Variants in TMBIM4 observed in about 807,000 individuals in gnomAD.
TMBIM4 encodes the protein transmembrane BAX inhibitor motif containing 4.
Under a neutral mutation model 27.7 loss-of-function variants are expected in TMBIM4, and 28 were observed. That is an observed-to-expected ratio of 1.01 (90% CI 0.75 to 1.38). The LOEUF (loss-of-function observed/expected upper bound fraction) is 1.38, where lower values mean the gene tolerates loss of function less well. TMBIM4 is among the 40% of genes most tolerant of loss of function. TMBIM4 has a pLI of 0.00. For missense variants in TMBIM4, 265 were observed against 277.5 expected (o/e 0.95, Z 0.32); for synonymous variants, 115 against 113.1 (o/e 1.02, Z -0.11).
intron 1 of TMBIM4, among the ~76,000 whole-genome samples, chr12:66,158,207 C>CA (rs1245638683): frequency 8.5e-6 from 1 of 118,106 alleles, no homozygotes; most frequent in African/African-American, 3.5e-5. Context: ...GCCTGGGCGA[C>CA]AGAGTGAGAC....
chr12:66,137,880 A>T lies in TMBIM4; in HGVS notation c.*80T>A. ...TATTACTTAATGAAACAGTTTCTAT[A>T]TACTGCTTCCAATTACTTTAATCCT... is the stretch of plus-strand genomic sequence containing the variant. On this transcript the variant is annotated 3_prime_UTR_variant, in exon 7 of 7. Coordinates refer to ENST00000358230, the MANE Select transcript of TMBIM4 (RefSeq NM_016056.4). 8.8e-7 allele frequency: 1 copy of T among 1,140,070 alleles called. No homozygotes were observed. The allele number at this position is 1,140,070 out of a possible 1,614,324, so 70.6% of individuals were successfully genotyped here.
Position 66,153,958 on chromosome 12 carries a change from T to G in TMBIM4, c.98-510A>C, listed in dbSNP as rs143016096. On this transcript the variant is annotated intron_variant, in intron 1 of 6. Coordinates refer to ENST00000358230, the MANE Select transcript of TMBIM4 (RefSeq NM_016056.4). ...TCACTCATCTATTATTATTTCTCAT[T>G]TATAGTACCCCTGCCTCTAGTTTCT... Among the ~76,000 whole-genome samples, 858 of 152,288 alleles carry G rather than the reference T, an allele frequency of 5.6e-3. 11 individuals are homozygous for G. Among genetic ancestry groups the G allele is most frequent in the African/African-American group, 0.02 (841 of 41,580 alleles).
Position 66,156,821 on chromosome 12 carries a change from A to G in TMBIM4, c.98-3373T>C, listed in dbSNP as rs539149836. Among the ~76,000 whole-genome samples, 99 of 152,166 alleles carry G rather than the reference A, an allele frequency of 6.5e-4. 1 individual carries two copies. The highest frequency in any genetic ancestry group is 1.0e-3 in the Non-Finnish European group (70 of 68,014). ...TTGGAATGCCCTTATCATTCTTTAC[A>G]TGAAGTAGTGGTTTATGGTAAGTCA... On this transcript the variant is annotated intron_variant, in intron 1 of 6. Transcript: ENST00000358230.
At chr12:66,152,146 T>G (rs765534092) in intron 3 of TMBIM4, 125 bp downstream of exon 3, 25 of 427,854 alleles carry the variant, frequency 5.8e-5, no homozygotes, top group South Asian at 4.1e-4. Context: ...TACAATTAAT[T>G]TCCTAAAGTA....
chr12:66,149,207 G>A (rs187040207), intron 3 of TMBIM4, among the ~76,000 whole-genome samples: 8 of 152,180 alleles, frequency 5.3e-5, no homozygotes, highest in Non-Finnish European at 1.2e-4. Context: ...CTGGGAGGCC[G>A]AGGCAGGTGG....
intron 1 of TMBIM4, among the ~76,000 whole-genome samples, chr12:66,165,406 G>A (rs967742159): frequency 6.7e-6 from 1 of 150,032 alleles, no homozygotes; most frequent in African/African-American, 2.4e-5. Context: ...AATAAATCCT[G>A]GTATATATGA....
At chr12:66,167,396 G>C (rs1449675238) in intron 1 of TMBIM4, among the ~76,000 whole-genome samples, 1 of 152,160 alleles carries the variant, frequency 6.6e-6, no homozygotes, top group Non-Finnish European at 1.5e-5. Context: ...GCTAAATTTT[G>C]CTATGAACCT....
chr12:66,165,305 A>AAC (rs1194445073), intron 1 of TMBIM4, among the ~76,000 whole-genome samples: 1 of 152,212 alleles, frequency 6.6e-6, no homozygotes, highest in African/African-American at 2.4e-5. Flanking sequence ...CTGATTTCAA[A>AAC]ACTTATTACA....
intron 3 of TMBIM4, among the ~76,000 whole-genome samples, chr12:66,150,632 C>T (rs969080526): frequency 1.3e-5 from 2 of 151,794 alleles, no homozygotes; most frequent in African/African-American, 2.4e-5. Flanking sequence ...GGGCTGGTCT[C>T]GAACTCCTGA....
Position 66,142,451 on chromosome 12 carries a change from T to G in TMBIM4, c.464+3390A>C, listed in dbSNP as rs547154688. ...AGTTAGCCTGGCACAGTTTCATGGATGCATCAAGCTCCTAGGTCTGAGATA... is the reference window on the plus strand; with the variant it reads ...AGTTAGCCTGGCACAGTTTCATGGAGGCATCAAGCTCCTAGGTCTGAGATA... On this transcript the variant is annotated intron_variant, in intron 5 of 6. Coordinates refer to ENST00000358230, the MANE Select transcript of TMBIM4 (RefSeq NM_016056.4). Among the ~76,000 whole-genome samples the G allele has an allele frequency of 1.9e-4, 29 of 150,688 alleles. No homozygotes were observed. The South Asian group carries it at 6.2e-3, about 32-fold the overall frequency.
At chr12:66,169,362 AG>A in intron 1 of TMBIM4, 1 of 653,480 alleles carries the variant, frequency 1.5e-6, no homozygotes, top group Non-Finnish European at 2.7e-6. Flanking sequence ...CCCTGCGGAG[AG>A]GAAATAGTGC....
chr12:66,146,894 G>C (rs1363932487), intron 4 of TMBIM4, among the ~76,000 whole-genome samples: 1 of 152,118 alleles, frequency 6.6e-6, no homozygotes, highest in African/African-American at 2.4e-5. Context: ...CGATTAGGTT[G>C]AAAAGATATT....
At chr12:66,148,531 C>T (rs2051788583) in intron 3 of TMBIM4, among the ~76,000 whole-genome samples, 1 of 152,160 alleles carries the variant, frequency 6.6e-6, no homozygotes, top group Non-Finnish European at 1.5e-5. Flanking sequence ...GGATTGTGCT[C>T]TAAAAACAAA....
intron 1 of TMBIM4, chr12:66,161,275 C>T (rs777564021): frequency 6.5e-6 from 1 of 152,716 alleles, no homozygotes; most frequent in Non-Finnish European, 1.5e-5. Flanking sequence ...GAGTCTTGCT[C>T]TGTCGCCCAG....
In TMBIM4 at chr12:66,157,964, T is replaced by C. The variant is rs148824718; in HGVS notation, c.98-4516A>G. 2.2e-3 allele frequency among the ~76,000 whole-genome samples: 332 copies of C among 152,254 alleles called. 4 individuals are homozygous for C. The highest frequency in any genetic ancestry group is 6.8e-3 in the Middle Eastern group (2 of 294). On this transcript the variant is annotated intron_variant, in intron 1 of 6. Transcript: ENST00000358230. ...AAGATGGGCCAGGCATGGTGGCTCA[T>C]GCCTGTAATCCCAGCACTTTGGGAG...
chr12:66,161,694 G>A (rs1302735252), intron 1 of TMBIM4, among the ~76,000 whole-genome samples: 2 of 152,176 alleles, frequency 1.3e-5, no homozygotes. Context: ...TTAAATATTT[G>A]TGGTGAACAA....
At chr12:66,155,762 C>T (rs928394067) in intron 1 of TMBIM4, among the ~76,000 whole-genome samples, 1 of 152,152 alleles carries the variant, frequency 6.6e-6, no homozygotes, top group Non-Finnish European at 1.5e-5. Flanking sequence ...AACTGATTTA[C>T]AGTTCAAAAC....
chr12:66,159,621 A>G (rs911426814), intron 1 of TMBIM4, among the ~76,000 whole-genome samples: 2 of 152,210 alleles, frequency 1.3e-5, no homozygotes, highest in African/African-American at 4.8e-5. Context: ...ACAAAGCAAT[A>G]GACAGCTAAT....
intron 1 of TMBIM4, among the ~76,000 whole-genome samples, chr12:66,163,590 G>A (rs1381049062): frequency 1.3e-5 from 2 of 152,162 alleles, no homozygotes. Flanking sequence ...CACAAGAACA[G>A]CATGAAGGTA....
Sources: allele counts gnomAD v4.1 joint callset (sites outside exome capture counted in the v4.1 genomes callset), GRCh38; gene constraint gnomAD v4.1.1; transcripts MANE v1.5; gene names NCBI Gene and HGNC (gene_info 2026-07-23, HGNC 2026-07-21).